Variants in CTNNA2 observed in about 807,000 individuals in gnomAD.
CTNNA2 encodes the protein catenin alpha-2.
A neutral mutation model predicts 101.0 loss-of-function variants in CTNNA2; 42 were observed. That is an observed-to-expected ratio of 0.42 (90% CI 0.32 to 0.54). CTNNA2 has a LOEUF of 0.54. CTNNA2 is among the 20% of genes least tolerant of loss of function. The pLI is 0.14. For missense variants in CTNNA2, 871 were observed against 1,223.1 expected (o/e 0.71, Z 4.29); for synonymous variants, 450 against 456.4 (o/e 0.99, Z 0.18).
chr2:79,637,145 T>C (rs1680128329), intron 1 of CTNNA2, among the ~76,000 whole-genome samples: 1 of 152,148 alleles, frequency 6.6e-6, no homozygotes, highest in African/African-American at 2.4e-5. Flanking sequence ...AGAAGGGAAG[T>C]ATAGAATGTC....
intron 7 of CTNNA2, among the ~76,000 whole-genome samples, chr2:80,189,816 T>G (rs1394105286): frequency 6.6e-6 from 1 of 151,514 alleles, no homozygotes; most frequent in East Asian, 2.0e-4. Context: ...CATAAGAAAA[T>G]GTTCCAGGTA....
chr2:79,908,668 C>G (rs574318663), intron 6 of CTNNA2, among the ~76,000 whole-genome samples: 2 of 152,260 alleles, frequency 1.3e-5, no homozygotes, highest in African/African-American at 4.8e-5. Flanking sequence ...TTCTGACTAC[C>G]CTTTCTGTCT....
intron 1 of CTNNA2, among the ~76,000 whole-genome samples, chr2:79,579,739 C>T (rs1400260907): frequency 3.3e-5 from 5 of 152,084 alleles, no homozygotes; most frequent in Admixed American, 2.0e-4. Flanking sequence ...CTCAGCCTCC[C>T]GAATAGCTGG....
intron 1 of CTNNA2, among the ~76,000 whole-genome samples, chr2:79,588,649 A>C (rs1488483552): frequency 1.3e-5 from 2 of 152,202 alleles, no homozygotes; most frequent in African/African-American, 2.4e-5. Flanking sequence ...ATTGTATAGA[A>C]AATACACTGA....
intron 7 of CTNNA2, among the ~76,000 whole-genome samples, chr2:80,320,935 G>A (rs1361355209): frequency 6.6e-6 from 1 of 152,096 alleles, no homozygotes; most frequent in East Asian, 1.9e-4. Context: ...TCATTAGGGT[G>A]GTGATGTCTT....
At chr2:80,332,783 TATG>T (rs1050733231) in intron 7 of CTNNA2, among the ~76,000 whole-genome samples, 4 of 152,116 alleles carry the variant, frequency 2.6e-5, no homozygotes, top group African/African-American at 7.2e-5. Flanking sequence ...TGGAAAAATG[TATG>T]ATAAGAGGCC....
Position 80,031,398 on chromosome 2 carries a change from T to C in CTNNA2, c.1056+121601T>C, listed in dbSNP as rs191919327. On this transcript the variant is annotated intron_variant, in intron 7 of 18. Coordinates refer to ENST00000402739, the MANE Select transcript of CTNNA2 (RefSeq NM_001282597.3). ...CGTGGCTGGGGAGGCCTCCCAAACA[T>C]GGTGGAAGGCAAGGAGCAGCAAGTC... Among the ~76,000 whole-genome samples, 369 of 152,228 alleles carry C rather than the reference T, an allele frequency of 2.4e-3. 10 individuals carry two copies. Among genetic ancestry groups the C allele is most frequent in the Admixed American group, 0.022 (329 of 15,290 alleles).
At position 80,507,244 on chromosome 2, in the gene CTNNA2, C is replaced by T. The variant is rs143877826; in HGVS notation, c.1291-37738C>T. ...TACATGTAAAGTACTTAGCAAGCGACGGATGTATCTTAACAGCCAATGACT... is the reference window on the plus strand; with the variant it reads ...TACATGTAAAGTACTTAGCAAGCGATGGATGTATCTTAACAGCCAATGACT... On this transcript the variant is annotated intron_variant, in intron 9 of 18. Transcript: ENST00000402739. Among the ~76,000 whole-genome samples, 429 of 152,276 alleles carry T rather than the reference C, an allele frequency of 2.8e-3. 4 individuals are homozygous for T. The highest frequency in any genetic ancestry group is 9.8e-3 in the African/African-American group (406 of 41,566).
chr2:80,052,681 T>C (rs1024160183), intron 7 of CTNNA2, among the ~76,000 whole-genome samples: 35 of 152,344 alleles, frequency 2.3e-4, no homozygotes, highest in Middle Eastern at 3.4e-3. Context: ...GTAACTGAAG[T>C]AGTGTAACTA....
At chr2:80,123,305 A>G (rs1032528795) in intron 7 of CTNNA2, among the ~76,000 whole-genome samples, 6 of 152,202 alleles carry the variant, frequency 3.9e-5, no homozygotes, top group Non-Finnish European at 1.5e-5. Context: ...AATGAAGCAG[A>G]CAAGTGCTAA....
At chr2:79,305,600 T>C (rs142214435) in intron 2 of CTNNA2, among the ~76,000 whole-genome samples, 90 of 152,200 alleles carry the variant, frequency 5.9e-4, no homozygotes, top group African/African-American at 1.6e-3. Flanking sequence ...TTATTTTATA[T>C]AAAGAATTCT....
chr2:80,643,107 T>G lies in CTNNA2; in HGVS notation c.2575-4478T>G, dbSNP rs148339461. The stretch of plus-strand genomic sequence containing the variant: ...TTTTGATGTTTTAAGAGAATCATAA[T>G]AATTAGCAGAAGTCTAATTTCCTGT... On this transcript the variant is annotated intron_variant, in intron 18 of 18. Transcript: ENST00000402739. Among the ~76,000 whole-genome samples the G allele has an allele frequency of 3.6e-3, 545 of 152,324 alleles. 7 individuals are homozygous for G. The highest frequency in any genetic ancestry group is 0.011 in the African/African-American group (446 of 41,576).
intron 7 of CTNNA2, among the ~76,000 whole-genome samples, chr2:80,142,666 C>T (rs749456063): frequency 8.5e-5 from 13 of 152,176 alleles, no homozygotes; most frequent in Non-Finnish European, 1.9e-4. Context: ...GTCCAACCCA[C>T]CTTATTTTGT....
At chr2:79,794,192 A>G (rs1028534470) in intron 3 of CTNNA2, among the ~76,000 whole-genome samples, 3 of 152,226 alleles carry the variant, frequency 2.0e-5, no homozygotes, top group African/African-American at 7.2e-5. Context: ...TAGGAGAGAA[A>G]GAAAACAGGA....
intron 3 of CTNNA2, among the ~76,000 whole-genome samples, chr2:79,316,692 G>A (rs1239957037): frequency 1.3e-5 from 2 of 151,266 alleles, no homozygotes; most frequent in South Asian, 2.1e-4. Context: ...AAATTGAATT[G>A]TTTTCTTAAT....
At chr2:79,677,476 A>C (rs1342366608) in intron 2 of CTNNA2, among the ~76,000 whole-genome samples, 1 of 152,218 alleles carries the variant, frequency 6.6e-6, no homozygotes, top group Non-Finnish European at 1.5e-5. Flanking sequence ...GAGAAACAAT[A>C]GGTAAAATGT....
chr2:80,062,784 C>A (rs1697693100), intron 7 of CTNNA2, among the ~76,000 whole-genome samples: 1 of 149,156 alleles, frequency 6.7e-6, no homozygotes, highest in African/African-American at 2.5e-5. Context: ...CAGCTCACTG[C>A]AAGCTCCACC....
intron 6 of CTNNA2, among the ~76,000 whole-genome samples, chr2:79,875,812 T>G (rs968169765): frequency 3.3e-5 from 5 of 152,072 alleles, no homozygotes; most frequent in African/African-American, 1.2e-4. Context: ...GGTAATTTTA[T>G]TCACAAAATT....
intron 7 of CTNNA2, among the ~76,000 whole-genome samples, chr2:80,078,283 C>G (rs1490546993): frequency 6.6e-6 from 1 of 152,022 alleles, no homozygotes; most frequent in African/African-American, 2.4e-5. Flanking sequence ...AGAACTTCAA[C>G]AGGAAGTGCA....
Sources: gnomAD v4.1 joint callset for allele counts (sites outside exome capture counted in the v4.1 genomes callset) on GRCh38, gnomAD v4.1.1 for gene constraint, MANE v1.5 for transcripts, NCBI Gene and HGNC (gene_info 2026-07-23, HGNC 2026-07-21) for gene names.